DISC1: variants seen among roughly 807,000 people sequenced by gnomAD.
DISC1 encodes disrupted in schizophrenia 1 protein.
Under a neutral mutation model 84.5 loss-of-function variants are expected in DISC1, and 57 were observed. That is an observed-to-expected ratio of 0.67 (90% CI 0.55 to 0.84). DISC1 has a LOEUF of 0.84. Ranked by LOEUF, DISC1 falls within the 40% of genes least tolerant of loss-of-function variation. The pLI, the probability that DISC1 is intolerant of heterozygous loss-of-function variation, is 0.00. For synonymous variants in DISC1, 411 were observed against 415.2 expected, an observed-to-expected ratio of 0.99 and a Z score of 0.12; for missense variants, 1,000 against 1,057.8, an observed-to-expected ratio of 0.95 and a Z score of 0.76.
intron 9 of DISC1, among the ~76,000 whole-genome samples, chr1:231,949,848 T>A (rs1657999271): frequency 6.6e-6 from 1 of 152,242 alleles, no homozygotes; most frequent in Non-Finnish European, 1.5e-5. Flanking sequence ...TCATAAATTA[T>A]GTTTCATCAC....
intron 9 of DISC1, among the ~76,000 whole-genome samples, chr1:231,830,533 T>G (rs1030666473): frequency 1.3e-5 from 2 of 152,096 alleles, no homozygotes; most frequent in African/African-American, 4.8e-5. Flanking sequence ...CCAGGAGATA[T>G]CAGCTGTGAT....
rs753596220 is a variant in DISC1 at position 231,694,712 on chromosome 1, C to T, written c.954C>T (p.Ser318=). Reference sequence around the variant, plus strand: ...CTGGCTGTGGTGGTGATGGGAGCAGCGGCTCAGGGGATGCCCACTCTTGGG... The same window carrying T: ...CTGGCTGTGGTGGTGATGGGAGCAGTGGCTCAGGGGATGCCCACTCTTGGG... ...SLAGCGGDGS[S]GSGDAHSWDT... The change falls in exon 2 of 13, where the codon AGC becomes AGT. Residue 318 remains serine (S), a synonymous_variant. Transcript: ENST00000439617. 18 of 1,614,184 alleles carry T rather than the reference C, an allele frequency of 1.1e-5. No individual in the cohort carries two copies. The highest frequency in any genetic ancestry group is 5.3e-5 in the African/African-American group (4 of 75,076).
At chr1:231,748,180 A>C (rs1352768244) in intron 3 of DISC1, among the ~76,000 whole-genome samples, 3 of 152,204 alleles carry the variant, frequency 2.0e-5, no homozygotes, top group Admixed American at 2.0e-4. Flanking sequence ...GCCATCTGCA[A>C]ATAGGGACAA....
intron 6 of DISC1, among the ~76,000 whole-genome samples, chr1:231,780,710 C>T (rs1233244579): frequency 4.2e-5 from 4 of 94,860 alleles, no homozygotes; most frequent in East Asian, 2.7e-4. Context: ...CACATGCACA[C>T]GTATGTTTAT....
At chr1:231,701,039 G>T (rs1245958378) in intron 2 of DISC1, among the ~76,000 whole-genome samples, 1 of 152,144 alleles carries the variant, frequency 6.6e-6, no homozygotes, top group Admixed American at 6.5e-5. Flanking sequence ...TAATAAAGAC[G>T]TACCCAAGTC....
At chr1:231,697,527 A>G (rs2065867829) in intron 2 of DISC1, among the ~76,000 whole-genome samples, 1 of 151,330 alleles carries the variant, frequency 6.6e-6, no homozygotes, top group African/African-American at 2.4e-5. Flanking sequence ...GCAACCTTGA[A>G]CTCCTGGGCT....
intron 1 of DISC1, among the ~76,000 whole-genome samples, chr1:231,676,813 C>T (rs913499082): frequency 2.6e-5 from 4 of 152,162 alleles, no homozygotes; most frequent in Non-Finnish European, 4.4e-5. Flanking sequence ...AAAGCTCATT[C>T]TAGAGAAAAA....
chr1:231,985,937 C>T (rs1664362901), intron 10 of DISC1, among the ~76,000 whole-genome samples: 2 of 152,082 alleles, frequency 1.3e-5, no homozygotes, highest in Non-Finnish European at 2.9e-5. Context: ...TCATAAAATG[C>T]GTGAAAATCT....
At chr1:231,783,221 G>A (rs1040863374) in intron 6 of DISC1, among the ~76,000 whole-genome samples, 1 of 152,136 alleles carries the variant, frequency 6.6e-6, no homozygotes, top group African/African-American at 2.4e-5. Context: ...CTGAAATCTT[G>A]TTTGGACATT....
At chr1:231,767,054 C>A in intron 4 of DISC1, 86 bp from the exon 5 acceptor site, 1 of 1,570,570 alleles carries the variant, frequency 6.4e-7, no homozygotes, top group Non-Finnish European at 8.7e-7. Context: ...GGGCCACTTG[C>A]TGGAGTTTCT....
chr1:231,776,901 TG>T (rs1350000385), intron 6 of DISC1, among the ~76,000 whole-genome samples: 2 of 152,156 alleles, frequency 1.3e-5, no homozygotes, highest in African/African-American at 4.8e-5. Context: ...AGCAGCTGTG[TG>T]GGAGGGGTCC....
intron 4 of DISC1, among the ~76,000 whole-genome samples, chr1:231,758,317 T>G (rs776780788): frequency 6.6e-6 from 1 of 152,148 alleles, no homozygotes; most frequent in Non-Finnish European, 1.5e-5. Context: ...CAGTCTTCCT[T>G]CTTGCAGGGC....
intron 1 of DISC1, among the ~76,000 whole-genome samples, chr1:231,655,180 G>A (rs984182113): frequency 1.3e-5 from 2 of 152,156 alleles, no homozygotes; most frequent in Non-Finnish European, 2.9e-5. Flanking sequence ...TAGTCCTGAA[G>A]TCTGAAATTT....
chr1:231,705,435 A>T (rs1300380304), intron 3 of DISC1, among the ~76,000 whole-genome samples: 1 of 150,960 alleles, frequency 6.6e-6, no homozygotes, highest in East Asian at 1.9e-4. Flanking sequence ...GGCAGTTTAG[A>T]TGGGTCCTGA....
chr1:231,673,740 A>G (rs2125481257), intron 1 of DISC1, among the ~76,000 whole-genome samples: 1 of 152,342 alleles, frequency 6.6e-6, no homozygotes, highest in South Asian at 2.1e-4. Context: ...TGATGTTTGG[A>G]CACTTCGACT....
intron 1 of DISC1, among the ~76,000 whole-genome samples, chr1:231,686,940 C>T (rs2064352197): frequency 6.6e-6 from 1 of 152,156 alleles, no homozygotes; most frequent in African/African-American, 2.4e-5. Context: ...GGGCAAAATG[C>T]TGCCCATCTC....
intron 9 of DISC1, among the ~76,000 whole-genome samples, chr1:231,876,740 G>A (rs930463205): frequency 1.3e-5 from 2 of 152,220 alleles, no homozygotes; most frequent in African/African-American, 2.4e-5. Flanking sequence ...GGCCATAGCA[G>A]GCTGTCTCTG....
intron 9 of DISC1, among the ~76,000 whole-genome samples, chr1:231,869,342 C>T (rs1174901226): frequency 6.6e-6 from 1 of 152,036 alleles, no homozygotes; most frequent in Non-Finnish European, 1.5e-5. Context: ...AAATGGCCCT[C>T]AACAAAAATA....
chr1:231,877,096 C>T (rs996841914), intron 9 of DISC1, among the ~76,000 whole-genome samples: 3 of 152,176 alleles, frequency 2.0e-5, no homozygotes, highest in Admixed American at 6.5e-5. Context: ...ATCTCCCCAA[C>T]AAGTAAAGAA....
Sources: gnomAD v4.1 joint callset for allele counts (sites outside exome capture counted in the v4.1 genomes callset) on GRCh38, gnomAD v4.1.1 for gene constraint, MANE v1.5 for transcripts, NCBI Gene and HGNC (gene_info 2026-07-23, HGNC 2026-07-21) for gene names.